Variants in ZNRF3 observed in about 807,000 individuals in gnomAD.
ZNRF3 encodes the protein E3 ubiquitin-protein ligase ZNRF3.
ZNRF3 carries 23 observed loss-of-function variants against 72.5 expected under a neutral mutation model. The observed-to-expected ratio is 0.32, with a 90% CI of 0.23 to 0.45. The LOEUF (loss-of-function observed/expected upper bound fraction) is 0.45. ZNRF3 is among the 20% of genes least tolerant of loss of function. The pLI is 1.00. For missense variants in ZNRF3, 1,169 were observed against 1,272.1 expected, an observed-to-expected ratio of 0.92 and a Z score of 1.23; for synonymous variants, 610 against 545.3, an observed-to-expected ratio of 1.12 and a Z score of -1.65.
At chr22:28,914,526 A>T (rs1226388620) in intron 1 of ZNRF3, among the ~76,000 whole-genome samples, 1 of 149,034 alleles carries the variant, frequency 6.7e-6, no homozygotes, top group Non-Finnish European at 1.5e-5. Context: ...AAACTTTAAA[A>T]GTTGGAGGCC....
chr22:28,975,406 G>A (rs984746147), intron 1 of ZNRF3, among the ~76,000 whole-genome samples: 1 of 151,130 alleles, frequency 6.6e-6, no homozygotes, highest in African/African-American at 2.4e-5. Context: ...GGGGGCTGAG[G>A]CAGGAGAATC....
chr22:29,039,728 C>A (rs1238371288), intron 2 of ZNRF3, among the ~76,000 whole-genome samples: 3 of 142,066 alleles, frequency 2.1e-5, no homozygotes, highest in Non-Finnish European at 4.5e-5. Flanking sequence ...GGGAGGATCA[C>A]TTGAGCCCAG....
intron 2 of ZNRF3, among the ~76,000 whole-genome samples, chr22:29,029,649 T>C (rs2036708394): frequency 6.6e-6 from 1 of 152,236 alleles, no homozygotes; most frequent in African/African-American, 2.4e-5. Flanking sequence ...GTTTTATCTA[T>C]ATAGATCAAA....
intron 1 of ZNRF3, among the ~76,000 whole-genome samples, chr22:28,907,834 G>A (rs901586053): frequency 6.6e-6 from 1 of 152,198 alleles, no homozygotes; most frequent in African/African-American, 2.4e-5. Flanking sequence ...ATTGAATCTA[G>A]AACAAAAGAT....
In ZNRF3 at chr22:29,050,544, C is replaced by T. The variant is rs747776157; in HGVS notation, c.2363C>T (p.Ala788Val). 1 of 1,610,366 alleles carries T rather than the reference C, an allele frequency of 6.2e-7. No individual in the cohort carries two copies. The highest frequency in any genetic ancestry group is 1.1e-5 in the South Asian group (1 of 90,760). ...TGCTTCTATGAAGAGAAGCAGGTGG[C>T]CCGCGGGGGCGGAGGGGGCAGCGGC... ...PCCFYEEKQV[A>V]RGGGGGSGCY... is the part of the protein sequence containing the mutation. Residue 788 changes from alanine to valine, a missense_variant, in exon 8 of 9, where the codon GCC becomes GTC. Ala to Val is a moderately conservative substitution (Grantham distance 64). Coordinates refer to ENST00000544604, the MANE Select transcript of ZNRF3 (RefSeq NM_001206998.2).
intron 1 of ZNRF3, among the ~76,000 whole-genome samples, chr22:28,890,512 AT>A (rs2033865142): frequency 1.3e-5 from 2 of 152,210 alleles, no homozygotes; most frequent in African/African-American, 4.8e-5. Flanking sequence ...AATAAAAAAA[AT>A]AAAAAGAAAT....
intron 1 of ZNRF3, among the ~76,000 whole-genome samples, chr22:28,962,907 T>G (rs1302154676): frequency 6.6e-6 from 1 of 152,242 alleles, no homozygotes; most frequent in Non-Finnish European, 1.5e-5. Flanking sequence ...GAAGCCGTTT[T>G]ATGCACAGTG....
At chr22:29,003,413 A>G (rs132564) in intron 2 of ZNRF3, among the ~76,000 whole-genome samples, 147,248 of 151,834 alleles carry the variant, frequency 0.97, 71,420 homozygotes, top group East Asian at 1. Flanking sequence ...CCAGCTACTC[A>G]GGAGGCAGGA....
intron 5 of ZNRF3, 106 bp from the exon 6 acceptor site, chr22:29,046,610 A>G (rs962742760): frequency 7.9e-7 from 1 of 1,259,450 alleles, no homozygotes. Context: ...TTCCGGCATG[A>G]TAGAGAATTG....
chr22:29,002,802 G>A (rs1415516549), intron 2 of ZNRF3, among the ~76,000 whole-genome samples: 1 of 152,164 alleles, frequency 6.6e-6, no homozygotes, highest in Non-Finnish European at 1.5e-5. Context: ...CTGACTCCAG[G>A]CCACTCAGCC....
chr22:28,983,244 G>T (rs985636825), intron 1 of ZNRF3, among the ~76,000 whole-genome samples: 3 of 152,172 alleles, frequency 2.0e-5, no homozygotes, highest in African/African-American at 7.2e-5. Flanking sequence ...GTTTGGAGGA[G>T]AGTGGGAAGG....
intron 1 of ZNRF3, chr22:28,986,561 T>C: frequency 1.0e-6 from 1 of 971,240 alleles, no homozygotes; most frequent in Non-Finnish European, 1.2e-6. Context: ...AGGGGTAGCC[T>C]TTAAACAGCC....
chr22:28,990,943 A>G (rs757423456), intron 2 of ZNRF3, among the ~76,000 whole-genome samples: 3 of 152,060 alleles, frequency 2.0e-5, no homozygotes, highest in Non-Finnish European at 2.9e-5. Flanking sequence ...TAAATGCCCC[A>G]TAACCACCAC....
chr22:28,997,276 T>C (rs915518054), intron 2 of ZNRF3, among the ~76,000 whole-genome samples: 1 of 152,178 alleles, frequency 6.6e-6, no homozygotes, highest in African/African-American at 2.4e-5. Context: ...GCTGCAACTA[T>C]TTGGGACTGA....
intron 1 of ZNRF3, among the ~76,000 whole-genome samples, chr22:28,958,338 GCAGTGAT>G (rs2035296494): frequency 6.6e-6 from 1 of 152,228 alleles, no homozygotes; most frequent in Admixed American, 6.5e-5. Context: ...AGGCAATAAA[GCAGTGAT>G]CAGTAGATTT....
chr22:28,956,091 G>A (rs1284273083), intron 1 of ZNRF3, among the ~76,000 whole-genome samples: 2 of 152,164 alleles, frequency 1.3e-5, no homozygotes, highest in Non-Finnish European at 2.9e-5. Flanking sequence ...CATGTTGAGT[G>A]CTGCAGAGAT....
intron 1 of ZNRF3, among the ~76,000 whole-genome samples, chr22:28,942,904 C>T (rs1042244251): frequency 4.0e-5 from 6 of 151,730 alleles, no homozygotes; most frequent in East Asian, 1.9e-4. Flanking sequence ...ATTTTTTTAC[C>T]GAGACAGGAT....
At position 28,957,125 on chromosome 22, in the gene ZNRF3, T is replaced by C. The variant is rs565564573; in HGVS notation, c.301-29951T>C. On this transcript the variant is annotated intron_variant, in intron 1 of 8. Coordinates refer to ENST00000544604, the MANE Select transcript of ZNRF3 (RefSeq NM_001206998.2). ...TTACACAGAGCATCTCTGAGTCTGT[T>C]ACAACCCTTAAGTTTTATGGTTTCG... Among the ~76,000 whole-genome samples, 3 of 151,968 alleles carry C rather than the reference T, an allele frequency of 2.0e-5. No homozygotes were observed. The East Asian group carries it at 5.8e-4, about 29-fold the overall frequency.
intron 1 of ZNRF3, among the ~76,000 whole-genome samples, chr22:28,975,504 T>C (rs2035654521): frequency 1.3e-5 from 1 of 79,500 alleles, no homozygotes; most frequent in African/African-American, 4.9e-5. Flanking sequence ...CGATACTCTG[T>C]CTCAAAAAAA....
Sources: gnomAD v4.1 joint callset for allele counts (sites outside exome capture counted in the v4.1 genomes callset) on GRCh38, gnomAD v4.1.1 for gene constraint, MANE v1.5 for transcripts, NCBI Gene and HGNC (gene_info 2026-07-23, HGNC 2026-07-21) for gene names.